The following SLAMF6 variants were observed in gnomAD, a reference collection of about 807,000 sequenced individuals.
SLAMF6 encodes NK-T-B-antigen.
SLAMF6 carries 21 observed loss-of-function variants against 38.3 expected under a neutral mutation model. That is an observed-to-expected ratio of 0.55 (90% CI 0.39 to 0.79). SLAMF6 has a LOEUF of 0.79. SLAMF6 is among the 30% of genes least tolerant of loss of function. The pLI, the probability that SLAMF6 is intolerant of heterozygous loss-of-function variation, is 0.00. For missense variants in SLAMF6, 341 were observed against 385.3 expected (o/e 0.89, Z 0.96); for synonymous variants, 152 against 146.3 (o/e 1.04, Z -0.28).
rs1571275807 is a variant in SLAMF6 at position 160,486,618 on chromosome 1, C to T, written c.*89G>A. ...GATATTCAAATTCTGTTGCCAGGAA[C>T]AACAGGAACCAAGCTTCCTGTTCTT... On this transcript the variant is annotated 3_prime_UTR_variant, in exon 8 of 8. Coordinates refer to ENST00000368057, the MANE Select transcript of SLAMF6 (RefSeq NM_001184714.2). 2.2e-6 allele frequency: 3 copies of T among 1,355,610 alleles called. No individual in the cohort carries two copies. The East Asian group carries it at 6.9e-5, about 31-fold the overall frequency. 84.0% of individuals were successfully genotyped at this position (1,355,610 alleles called of 1,614,324 possible).
At chr1:160,486,899 C>A in intron 7 of SLAMF6, 145 bp from the exon 8 acceptor site, 1 of 1,036,982 alleles carries the variant, frequency 9.6e-7, no homozygotes, top group Non-Finnish European at 1.4e-6. Context: ...AATTTAAAAA[C>A]ATGTAATTGA....
intron 3 of SLAMF6, 162 bp from the exon 4 acceptor site, chr1:160,490,847 G>A (rs750464314): frequency 6.0e-5 from 40 of 669,232 alleles, no homozygotes; most frequent in Non-Finnish European, 7.4e-5. Flanking sequence ...GCAGGGGAGG[G>A]TGGGGCCCAG....
chr1:160,496,544 C>T, intron 1 of SLAMF6, 151 bp from the exon 2 acceptor site: 2 of 761,548 alleles, frequency 2.6e-6, no homozygotes, highest in Non-Finnish European at 4.2e-6. Flanking sequence ...GGAGATGTTT[C>T]TAAATGAATA....
chr1:160,521,499 G>A (rs1472864168), intron 1 of SLAMF6, among the ~76,000 whole-genome samples: 1 of 152,084 alleles, frequency 6.6e-6, no homozygotes, highest in Non-Finnish European at 1.5e-5. Flanking sequence ...TAAAAATGAA[G>A]CAAAAACTCA....
intron 2 of SLAMF6, among the ~76,000 whole-genome samples, chr1:160,492,587 GA>G (rs937251602): frequency 4.0e-5 from 6 of 150,570 alleles, no homozygotes; most frequent in African/African-American, 7.3e-5. Flanking sequence ...TGGCTGAACT[GA>G]AAAAAAAATC....
chr1:160,512,905 G>A (rs1329928687), intron 1 of SLAMF6, among the ~76,000 whole-genome samples: 1 of 152,160 alleles, frequency 6.6e-6, no homozygotes, highest in Non-Finnish European at 1.5e-5. Context: ...AGGAAGATGA[G>A]AAAGAATCAA....
chr1:160,509,586 T>C (rs1654368161), intron 1 of SLAMF6, among the ~76,000 whole-genome samples: 1 of 152,046 alleles, frequency 6.6e-6, no homozygotes, highest in African/African-American at 2.4e-5. Flanking sequence ...CAAACCAACA[T>C]GGCACATATA....
At chr1:160,504,994 A>C (rs571485593) in intron 1 of SLAMF6, among the ~76,000 whole-genome samples, 2 of 152,350 alleles carry the variant, frequency 1.3e-5, no homozygotes, top group East Asian at 3.9e-4. Flanking sequence ...GGAGTGCCCC[A>C]AAACAGAGCC....
chr1:160,498,282 CA>C (rs1462983630), intron 1 of SLAMF6, among the ~76,000 whole-genome samples: 1 of 152,056 alleles, frequency 6.6e-6, no homozygotes, highest in Admixed American at 6.6e-5. Flanking sequence ...TGTTCTCTTC[CA>C]GCTGTCATTC....
chr1:160,498,148 GT>G (rs149081202), intron 1 of SLAMF6, among the ~76,000 whole-genome samples: 54 of 147,776 alleles, frequency 3.7e-4, no homozygotes, highest in Admixed American at 7.4e-4. Flanking sequence ...CCTAGCACCT[GT>G]TTTTTTTTTA....
At chr1:160,522,327 A>G (rs79364193) in intron 1 of SLAMF6, among the ~76,000 whole-genome samples, 3,202 of 152,314 alleles carry the variant, frequency 0.021, 53 homozygotes, top group African/African-American at 0.044. Context: ...CACCTGGCAC[A>G]ATACTTGAAA....
In SLAMF6 at chr1:160,496,302, T is replaced by C; in HGVS notation, c.141A>G (p.Gly47=). The C allele has an allele frequency of 2.5e-6, 4 of 1,614,036 alleles. No homozygotes were observed. Among genetic ancestry groups the C allele is most frequent in the Non-Finnish European group, 3.4e-6 (4 of 1,179,924 alleles). The change falls in exon 2 of 8, where the codon GGA becomes GGG. Residue 47 remains glycine, a synonymous_variant. Coordinates refer to ENST00000368057, the MANE Select transcript of SLAMF6 (RefSeq NM_001184714.2). ...GCCAAGTGATGAAGTTGACCTTCTC[T>C]CCTGCAGGAAACTCCAGGGGAAGAG... ...SVTLPLEFPA[G]EKVNFITWLF...
chr1:160,508,421 T>G lies in SLAMF6; in HGVS notation c.50-12028A>C, dbSNP rs574098088. Among the ~76,000 whole-genome samples the G allele has an allele frequency of 3.3e-5, 5 of 152,316 alleles. No individual in the cohort carries two copies. In the East Asian group the frequency reaches 9.6e-4, roughly 29 times the overall value. On this transcript the variant is annotated intron_variant, in intron 1 of 7. Coordinates refer to ENST00000368057, the MANE Select transcript of SLAMF6 (RefSeq NM_001184714.2). ...CAAGAAATGGAGAAAGGACTCCCTA[T>G]TTAATAAATGGTGCTGGGAAAACTG...
intron 1 of SLAMF6, among the ~76,000 whole-genome samples, chr1:160,503,317 G>A (rs1654010268): frequency 1.3e-5 from 2 of 152,234 alleles, no homozygotes; most frequent in South Asian, 4.2e-4. Context: ...GAAGCAGTGA[G>A]GAGGAATTGG....
intron 3 of SLAMF6, 51 bp from the exon 4 acceptor site, chr1:160,490,736 C>A: frequency 6.3e-7 from 1 of 1,599,068 alleles, no homozygotes; most frequent in East Asian, 2.3e-5. Flanking sequence ...GTGAGGCCCA[C>A]TGTTCTTGGA....
At chr1:160,520,854 C>G (rs1654953887) in intron 1 of SLAMF6, among the ~76,000 whole-genome samples, 1 of 152,296 alleles carries the variant, frequency 6.6e-6, no homozygotes, top group Admixed American at 6.5e-5. Context: ...TCTTCTTTCC[C>G]TTCCTAAATC....
intron 1 of SLAMF6, among the ~76,000 whole-genome samples, chr1:160,511,927 G>A (rs1461192903): frequency 1.3e-5 from 2 of 152,184 alleles, no homozygotes; most frequent in African/African-American, 4.8e-5. Flanking sequence ...CCCACCCCCA[G>A]CCAAGGGAAG....
rs776503084 is a variant in SLAMF6 at position 160,490,676 on chromosome 1, A to C, written c.656T>G (p.Ile219Ser). ...AATCATTTTGGTATCTGTATATTGAATTTTAACATCTGAAAAGAGAAAAAA... is the reference window on the plus strand; with the variant it reads ...AATCATTTTGGTATCTGTATATTGACTTTTAACATCTGAAAAGAGAAAAAA... ...SAQKLCEDVKIQYTDTKMILF... is the reference protein window; with the variant it reads ...SAQKLCEDVKSQYTDTKMILF... The change falls in exon 4 of 8, where the codon ATT becomes AGT. Residue 219 changes from isoleucine to serine, a missense_variant. Ile to Ser is a moderately radical substitution (Grantham distance 142, BLOSUM62 -2). Coordinates refer to ENST00000368057, the MANE Select transcript of SLAMF6 (RefSeq NM_001184714.2). 1.9e-6 allele frequency: 3 copies of C among 1,612,972 alleles called. No individual in the cohort carries two copies.
intron 1 of SLAMF6, among the ~76,000 whole-genome samples, chr1:160,517,082 A>T (rs1654778334): frequency 6.6e-6 from 1 of 152,174 alleles, no homozygotes; most frequent in African/African-American, 2.4e-5. Flanking sequence ...CAACCTACAG[A>T]GTGGGAGAAA....
Sources: allele counts gnomAD v4.1 joint callset (sites outside exome capture counted in the v4.1 genomes callset), GRCh38; gene constraint gnomAD v4.1.1; transcripts MANE v1.5; gene names NCBI Gene and HGNC (gene_info 2026-07-23, HGNC 2026-07-21).